Variants in CNTNAP5 observed in about 807,000 individuals in gnomAD.
The protein encoded by CNTNAP5 is contactin associated protein family member 5, also known as contactin-associated protein-like 5.
Under a neutral mutation model 150.2 loss-of-function variants are expected in CNTNAP5, and 72 were observed. That is an observed-to-expected ratio of 0.48 (90% CI 0.40 to 0.58). The LOEUF is 0.58. Among genes scored for constraint, CNTNAP5 ranks in the 20% least tolerant of loss-of-function variants. The pLI is 0.00. For synonymous variants in CNTNAP5, 672 were observed against 619.8 expected (o/e 1.08, Z -1.25); for missense variants, 1,636 against 1,626.2 (o/e 1.01, Z -0.10).
At chr2:124,124,410 A>G (rs914829824) in intron 1 of CNTNAP5, among the ~76,000 whole-genome samples, 8 of 152,252 alleles carry the variant, frequency 5.3e-5, no homozygotes, top group Non-Finnish European at 2.9e-5. Flanking sequence ...ATATGGGACT[A>G]TGTGAAAAGA....
At chr2:124,678,253 G>A (rs1318814904) in intron 13 of CNTNAP5, among the ~76,000 whole-genome samples, 1 of 151,796 alleles carries the variant, frequency 6.6e-6, no homozygotes, top group Admixed American at 6.7e-5. Context: ...GATTGTGCCT[G>A]AGTATGTCAG....
chr2:124,357,460 A>G (rs931132859), intron 3 of CNTNAP5, among the ~76,000 whole-genome samples: 3 of 151,946 alleles, frequency 2.0e-5, no homozygotes, highest in Non-Finnish European at 2.9e-5. Context: ...TAAGTCTTTA[A>G]TCCATCTTGA....
chr2:124,386,110 G>A (rs976780286), intron 3 of CNTNAP5, among the ~76,000 whole-genome samples: 4 of 152,088 alleles, frequency 2.6e-5, no homozygotes, highest in Admixed American at 2.0e-4. Flanking sequence ...GTGGAGTGAT[G>A]GGGGGTACCT....
intron 1 of CNTNAP5, among the ~76,000 whole-genome samples, chr2:124,206,220 A>T (rs564414927): frequency 2.0e-5 from 3 of 152,324 alleles, no homozygotes; most frequent in African/African-American, 7.2e-5. Flanking sequence ...AGTTACTTAA[A>T]TGCACTGAGG....
At chr2:124,198,751 T>A (rs1322052000) in intron 1 of CNTNAP5, among the ~76,000 whole-genome samples, 11 of 152,138 alleles carry the variant, frequency 7.2e-5, no homozygotes, top group Non-Finnish European at 1.6e-4. Context: ...GTCTTACATA[T>A]TTTTTAGGTT....
At chr2:124,312,481 C>T (rs1023786687) in intron 3 of CNTNAP5, among the ~76,000 whole-genome samples, 88 of 152,134 alleles carry the variant, frequency 5.8e-4, no homozygotes, top group African/African-American at 2.1e-3. Context: ...TCTCCTGCCT[C>T]AGCCTCTAGA....
intron 1 of CNTNAP5, among the ~76,000 whole-genome samples, chr2:124,200,933 C>T (rs549962368): frequency 1.3e-5 from 2 of 152,280 alleles, no homozygotes; most frequent in African/African-American, 4.8e-5. Context: ...GGCCAAATCA[C>T]CTCTAAGACC....
chr2:124,786,427 G>GAAAGA (rs1177089819), intron 17 of CNTNAP5, among the ~76,000 whole-genome samples: 7 of 112,164 alleles, frequency 6.2e-5, no homozygotes, highest in African/African-American at 2.4e-4. Context: ...AGGAAGGAAG[G>GAAAGA]AAGGAAGGAA....
At chr2:124,273,991 A>G (rs1023282504) in intron 3 of CNTNAP5, among the ~76,000 whole-genome samples, 1 of 152,214 alleles carries the variant, frequency 6.6e-6, no homozygotes, top group East Asian at 1.9e-4. Context: ...AGCAAGCTGC[A>G]TATTCAGCAT....
intron 8 of CNTNAP5, among the ~76,000 whole-genome samples, chr2:124,505,215 G>A (rs1022861126): frequency 1.3e-5 from 2 of 152,032 alleles, no homozygotes; most frequent in Non-Finnish European, 2.9e-5. Context: ...TGTTTCATAT[G>A]GAATCTTCAC....
intron 19 of CNTNAP5, among the ~76,000 whole-genome samples, chr2:124,844,185 G>T (rs1410095844): frequency 6.6e-6 from 1 of 151,964 alleles, no homozygotes; most frequent in African/African-American, 2.4e-5. Flanking sequence ...GTTAATTTTT[G>T]TATAAGATGA....
At chr2:124,241,202 G>A (rs1004069502) in intron 2 of CNTNAP5, among the ~76,000 whole-genome samples, 2 of 152,126 alleles carry the variant, frequency 1.3e-5, no homozygotes, top group Admixed American at 6.6e-5. Context: ...TAGGCTACAA[G>A]TCTTTCAACT....
chr2:124,407,689 A>G (rs1327468487), intron 3 of CNTNAP5, among the ~76,000 whole-genome samples: 2 of 152,182 alleles, frequency 1.3e-5, no homozygotes, highest in Non-Finnish European at 2.9e-5. Flanking sequence ...CTTTTTAGGC[A>G]TTGTATAGGA....
At chr2:124,899,639 G>T (rs565648659) in intron 21 of CNTNAP5, among the ~76,000 whole-genome samples, 1 of 151,394 alleles carries the variant, frequency 6.6e-6, no homozygotes, top group African/African-American at 2.4e-5. Context: ...TGGGAAAAAT[G>T]AAACAGGGAA....
At position 124,307,531 on chromosome 2, in the gene CNTNAP5, G is replaced by A. The variant is rs551233024; in HGVS notation, c.381+65138G>A. On this transcript the variant is annotated intron_variant, in intron 3 of 23. Coordinates refer to ENST00000682447, the MANE Select transcript of CNTNAP5 (RefSeq NM_001367498.1). Reference sequence around the variant, plus strand: ...ACCTTCAATTTTTGTTACCAAACTGGAGCACTGTATCCAGGACCTGAAATC... The same window carrying A: ...ACCTTCAATTTTTGTTACCAAACTGAAGCACTGTATCCAGGACCTGAAATC... 2.9e-4 allele frequency among the ~76,000 whole-genome samples: 44 copies of A among 152,204 alleles called. No individual in the cohort carries two copies. In the South Asian group the frequency reaches 3.7e-3, roughly 13 times the overall value.
chr2:124,140,234 G>T (rs1413397127), intron 1 of CNTNAP5, among the ~76,000 whole-genome samples: 2 of 150,532 alleles, frequency 1.3e-5, no homozygotes, highest in Admixed American at 1.3e-4. Context: ...CATTGCCCAG[G>T]CTTGCTTAGG....
intron 21 of CNTNAP5, among the ~76,000 whole-genome samples, chr2:124,877,854 GTAT>G (rs1677891088): frequency 5.9e-5 from 9 of 152,154 alleles, no homozygotes. Flanking sequence ...GTTACTGTTA[GTAT>G]TATTATTTCA....
chr2:124,117,945 G>C (rs1007159507), intron 1 of CNTNAP5, among the ~76,000 whole-genome samples: 7 of 152,050 alleles, frequency 4.6e-5, no homozygotes, highest in Non-Finnish European at 1.0e-4. Flanking sequence ...CATTAGCTAG[G>C]TATGGTGGCA....
chr2:124,849,701 C>A (rs1390260762), intron 19 of CNTNAP5, among the ~76,000 whole-genome samples: 2 of 152,106 alleles, frequency 1.3e-5, no homozygotes, highest in Non-Finnish European at 2.9e-5. Context: ...GTGTCTTCTA[C>A]AATTTCTTTC....
Sources: allele counts gnomAD v4.1 joint callset (sites outside exome capture counted in the v4.1 genomes callset), GRCh38; gene constraint gnomAD v4.1.1; transcripts MANE v1.5; gene names NCBI Gene and HGNC (gene_info 2026-07-23, HGNC 2026-07-21).